ARHGAP32: variants seen among roughly 807,000 people sequenced by gnomAD.
The protein encoded by ARHGAP32 is Rho GTPase activating protein 32, also known as rho GTPase-activating protein 32.
ARHGAP32 carries 51 observed loss-of-function variants against 186.5 expected under a neutral mutation model. The observed-to-expected ratio is 0.27, with a 90% CI of 0.22 to 0.35. The LOEUF (loss-of-function observed/expected upper bound fraction) is 0.35. ARHGAP32 is among the 10% of genes least tolerant of loss of function. The probability of loss-of-function intolerance (pLI) is 1.00; values close to 1 mark genes in which losing one functional copy is unlikely to be tolerated. For synonymous variants in ARHGAP32, 950 were observed against 964.3 expected, an observed-to-expected ratio of 0.99 and a Z score of 0.27; for missense variants, 2,186 against 2,623.5, an observed-to-expected ratio of 0.83 and a Z score of 3.64.
chr11:128,980,745 G>A lies in ARHGAP32; in HGVS notation c.1784C>T (p.Ser595Phe), dbSNP rs1417544009. ...CAGGAGGGACTTGGGCCTTGATAGA[G>A]AAGCTTCAAAAAGAAAAGGAAGCTG... is the stretch of plus-strand genomic sequence containing the variant. Reference protein sequence around the residue: ...ISMAMQEGAASLSRPKSLLVS... With the variant: ...ISMAMQEGAAFLSRPKSLLVS... The change falls in exon 18 of 23, where the codon TCT becomes TTT. Residue 595 changes from serine to phenylalanine, a missense_variant. Ser to Phe is a radical substitution (Grantham distance 155). Transcript: ENST00000682385. The A allele has an allele frequency of 6.3e-7, 1 of 1,599,172 alleles. No homozygotes were observed. The highest frequency in any genetic ancestry group is 8.5e-7 in the Non-Finnish European group (1 of 1,174,916).
intron 11 of ARHGAP32, among the ~76,000 whole-genome samples, chr11:129,026,153 T>C (rs1273033028): frequency 6.6e-6 from 1 of 152,130 alleles, no homozygotes; most frequent in Non-Finnish European, 1.5e-5. Context: ...GTTAACTGTA[T>C]TGTGACCATG....
chr11:129,261,992 T>A (rs1430756978), intron 1 of ARHGAP32, among the ~76,000 whole-genome samples: 1 of 152,168 alleles, frequency 6.6e-6, no homozygotes, highest in Non-Finnish European at 1.5e-5. Context: ...AAATGACACA[T>A]GAAGGTGGAG....
Position 128,970,610 on chromosome 11 carries a change from C to T in ARHGAP32, c.4603G>A (p.Gly1535Ser), listed in dbSNP as rs1286272951. 3 of 1,614,150 alleles carry T rather than the reference C, an allele frequency of 1.9e-6. No homozygotes were observed. Among genetic ancestry groups the T allele is most frequent in the South Asian group, 1.1e-5 (1 of 91,076 alleles). ...GAGGCTGGTGGCTCTGACCTGGCAC[C>T]ATACACTTGGTGCTGCTCCAATTTA... The part of the protein sequence containing the change: ...HNKLEQHQVY[G>S]ARSEPPASMG... Residue 1535 changes from glycine (G) to serine (S), a missense_variant, in exon 23 of 23, where the codon GGT (glycine) becomes AGT (serine). By Grantham distance (56) the Gly-to-Ser change is moderately conservative. Around this residue, in one of 5 missense-constraint regions of ARHGAP32, gnomAD observed 1,502 missense variants for 1,570.0 expected, o/e 0.96. Coordinates refer to ENST00000682385, the MANE Select transcript of ARHGAP32 (RefSeq NM_001378024.1). This position sits in a 1 kb window ranked among gnomAD's most constrained non-coding sequence, Gnocchi z 5.8.
At chr11:129,091,814 T>C (rs962018588) in intron 6 of ARHGAP32, among the ~76,000 whole-genome samples, 2 of 152,050 alleles carry the variant, frequency 1.3e-5, no homozygotes, top group East Asian at 1.9e-4. Flanking sequence ...CTTCAGTAAT[T>C]TGGACCTCAG....
intron 2 of ARHGAP32, among the ~76,000 whole-genome samples, chr11:129,148,126 G>A (rs1370792873): frequency 6.6e-6 from 1 of 152,192 alleles, no homozygotes; most frequent in African/African-American, 2.4e-5. Flanking sequence ...GCTCCCACTT[G>A]GACAGACAGA....
At chr11:129,176,642 C>G (rs1943921957) in intron 1 of ARHGAP32, among the ~76,000 whole-genome samples, 2 of 150,846 alleles carry the variant, frequency 1.3e-5, no homozygotes, top group South Asian at 2.1e-4. Flanking sequence ...TCACTCAAAA[C>G]CGCTCAACTA....
At position 128,966,478 on chromosome 11, in the gene ARHGAP32, A is replaced by C. The variant is rs904615792; in HGVS notation, c.*2429T>G. The C allele has an allele frequency of 6.6e-6, 1 of 152,236 alleles. No homozygotes were observed. Among genetic ancestry groups the C allele is most frequent in the Non-Finnish European group, 1.5e-5 (1 of 68,048 alleles). The allele number at this position is 152,236 out of a possible 1,614,324, so 9.4% of individuals were successfully genotyped here. On this transcript the variant is annotated 3_prime_UTR_variant, in exon 23 of 23. Coordinates refer to ENST00000682385, the MANE Select transcript of ARHGAP32 (RefSeq NM_001378024.1). ...GCTGTTGCTAGCATGCATTAAATGA[A>C]GCAACTCTAGATTTGATCTGAAGTT...
chr11:129,271,805 A>G (rs1945476172), intron 1 of ARHGAP32, among the ~76,000 whole-genome samples: 2 of 152,334 alleles, frequency 1.3e-5, no homozygotes, highest in Admixed American at 1.3e-4. Context: ...GAGAGGTCAA[A>G]TAAGATACAA....
At chr11:128,971,512 T>G (rs1659377418) in intron 22 of ARHGAP32, 2 of 204,850 alleles carry the variant, frequency 9.8e-6, no homozygotes, top group African/African-American at 4.6e-5. Flanking sequence ...TTAGTCTAGC[T>G]CAGTCTCAAC....
chr11:129,194,779 G>T (rs1455543014), upstream of ARHGAP32, among the ~76,000 whole-genome samples: 2 of 151,590 alleles, frequency 1.3e-5, no homozygotes, highest in African/African-American at 4.8e-5. Flanking sequence ...AAGAAAGATA[G>T]TTTTTCACTA....
chr11:128,982,100 T>C (rs1945720266), intron 15 of ARHGAP32, among the ~76,000 whole-genome samples, 164 bp from the exon 16 acceptor site: 1 of 152,244 alleles, frequency 6.6e-6, no homozygotes, highest in Non-Finnish European at 1.5e-5. Context: ...GAAATATTAC[T>C]ATTAGAAGTG....
chr11:129,012,845 T>C (rs371694813), intron 11 of ARHGAP32, among the ~76,000 whole-genome samples: 56 of 152,326 alleles, frequency 3.7e-4, no homozygotes, highest in African/African-American at 1.3e-3. Context: ...TCACATCGAT[T>C]AGCAATTTTA....
intron 5 of ARHGAP32, among the ~76,000 whole-genome samples, chr11:129,120,384 G>A (rs930646363): frequency 5.9e-5 from 9 of 152,080 alleles, no homozygotes; most frequent in Non-Finnish European, 1.2e-4. Context: ...GCATCCAAGT[G>A]AAGATGCAGG....
At chr11:129,165,694 TTG>T (rs10547578) in intron 1 of ARHGAP32, among the ~76,000 whole-genome samples, 2,898 of 151,562 alleles carry the variant, frequency 0.019, 49 homozygotes, top group African/African-American at 0.04. Flanking sequence ...AAAATGGCAT[TTG>T]TGATTTTCTG....
rs1943941553 is a variant in ARHGAP32 at position 129,177,402 on chromosome 11, A to C, written c.117-12975T>G. 3.9e-5 allele frequency among the ~76,000 whole-genome samples: 6 copies of C among 152,346 alleles called. No individual in the cohort carries two copies. The South Asian group carries it at 1.2e-3, about 32-fold the overall frequency. ...ATTCCTTCTGAAACTATTCCAGTCA[A>C]TAAAAAAAGAGGGAATCCTCCCTAA... On this transcript the variant is annotated intron_variant, in intron 1 of 22. Coordinates refer to ENST00000682385, the MANE Select transcript of ARHGAP32 (RefSeq NM_001378024.1).
chr11:129,190,688 T>C (rs1944253315), intron 1 of ARHGAP32, among the ~76,000 whole-genome samples: 2 of 152,224 alleles, frequency 1.3e-5, no homozygotes, highest in African/African-American at 4.8e-5. Context: ...TTCCAAGTTG[T>C]TTCTTCCTTT....
Position 129,066,740 on chromosome 11 carries a change from G to A in ARHGAP32, c.660C>T (p.Asp220=), listed in dbSNP as rs751372233. 3.1e-6 allele frequency: 5 copies of A among 1,612,074 alleles called. No individual in the cohort carries two copies. The highest frequency in any genetic ancestry group is 4.5e-5 in the East Asian group (2 of 44,838). Residue 220 remains aspartate (D), a synonymous_variant, in exon 7 of 23, where the codon GAC becomes GAT. Transcript: ENST00000682385. ...TGTACTAAATGCTTACCTCTGGACT[G>A]TCCTTCAGGGTGTCAGAACGGGGAA... ...SELPRSDTLK[D]SPESVTQMLM... is the part of the protein sequence containing the mutation.
At chr11:129,209,723 A>G (rs981414341) in intron 1 of ARHGAP32, among the ~76,000 whole-genome samples, 4 of 152,220 alleles carry the variant, frequency 2.6e-5, no homozygotes, top group Non-Finnish European at 5.9e-5. Flanking sequence ...ATGGCAAAGA[A>G]AGTAAAGATT....
chr11:129,012,074 A>C (rs940685825), intron 11 of ARHGAP32, among the ~76,000 whole-genome samples: 2 of 152,164 alleles, frequency 1.3e-5, no homozygotes, highest in African/African-American at 4.8e-5. Context: ...TGACTTCTGA[A>C]TCATGTTAAT....
Sources: allele counts gnomAD v4.1 joint callset (sites outside exome capture counted in the v4.1 genomes callset), GRCh38; gene constraint gnomAD v4.1.1; regional missense constraint gnomAD v4.1.1; non-coding constraint Gnocchi (gnomAD v3.1); transcripts MANE v1.5; gene names NCBI Gene and HGNC (gene_info 2026-07-23, HGNC 2026-07-21).